Variants in CACNG4 observed in about 807,000 individuals in gnomAD.
CACNG4 encodes the protein voltage-dependent calcium channel gamma-4 subunit.
CACNG4 carries 8 observed loss-of-function variants against 22.9 expected under a neutral mutation model. That is an observed-to-expected ratio of 0.35 (90% CI 0.21 to 0.63). The LOEUF is 0.63. CACNG4 is among the 30% of genes least tolerant of loss of function. CACNG4 has a pLI of 0.72. For missense variants in CACNG4, 357 were observed against 455.4 expected, an observed-to-expected ratio of 0.78 and a Z score of 1.97; for synonymous variants, 188 against 191.9, an observed-to-expected ratio of 0.98 and a Z score of 0.17.
At chr17:66,970,959 G>A (rs1410547978) in intron 1 of CACNG4, among the ~76,000 whole-genome samples, 1 of 152,188 alleles carries the variant, frequency 6.6e-6, no homozygotes, top group Non-Finnish European at 1.5e-5. Context: ...AGGATTTCCA[G>A]GACATAGTGA....
intron 1 of CACNG4, among the ~76,000 whole-genome samples, chr17:66,969,160 G>A (rs1567748296): frequency 6.6e-6 from 1 of 152,226 alleles, no homozygotes; most frequent in Admixed American, 6.5e-5. Context: ...AGGGACAGAA[G>A]AGCCCGTGTA....
At chr17:66,968,048 G>T (rs557634180) in intron 1 of CACNG4, among the ~76,000 whole-genome samples, 3 of 152,174 alleles carry the variant, frequency 2.0e-5, no homozygotes, top group Non-Finnish European at 2.9e-5. Context: ...ACATTACCGC[G>T]TGGCCTGCCC....
chr17:66,993,179 G>T (rs1033079547), intron 1 of CACNG4, among the ~76,000 whole-genome samples: 1 of 152,270 alleles, frequency 6.6e-6, no homozygotes, highest in African/African-American at 2.4e-5. Flanking sequence ...TGGGCCTGAG[G>T]CCTGTGGTGG....
intron 1 of CACNG4, among the ~76,000 whole-genome samples, chr17:66,970,089 G>A (rs1344915519): frequency 2.6e-5 from 4 of 152,268 alleles, no homozygotes; most frequent in East Asian, 1.9e-4. Context: ...ACTCACATTC[G>A]TGCATGTAAT....
In CACNG4 at chr17:66,964,855, A is replaced by AGGGCGGGC. The variant is rs1212922352; in HGVS notation, c.-51_-44dup. 4 of 1,053,010 alleles carry AGGGCGGGC rather than the reference A, an allele frequency of 3.8e-6. No individual in the cohort carries two copies. The African/African-American group carries it at 5.5e-5, about 15-fold the overall frequency. The allele number at this position is 1,053,010 out of a possible 1,614,324, so 65.2% of individuals were successfully genotyped here. On this transcript the variant is annotated 5_prime_UTR_variant, in exon 1 of 4. Transcript: ENST00000262138. ...CCCCGGAGCGGCGCGCGGAGGGAGGAGGGCGGGCGGGCGCGGCGGGCCGGG... is the reference window on the plus strand; with the variant it reads ...CCCCGGAGCGGCGCGCGGAGGGAGGAGGGCGGGCGGGCGGGCGGGCGCGGCGGGCCGGG...
chr17:67,031,423 C>A lies in CACNG4; in HGVS notation c.*419C>A, dbSNP rs1330601204. 2 of 462,480 alleles carry A rather than the reference C, an allele frequency of 4.3e-6. No homozygotes were observed. Among genetic ancestry groups the A allele is most frequent in the Admixed American group, 2.3e-5 (1 of 42,714 alleles). The allele number at this position is 462,480 out of a possible 1,614,324, so 28.6% of individuals were successfully genotyped here. ...GGTGTCGGGCCACCAGAAGGCTCTGCCGGACGCCAAGAAGACGGTCTCTGG... is the reference window on the plus strand; with the variant it reads ...GGTGTCGGGCCACCAGAAGGCTCTGACGGACGCCAAGAAGACGGTCTCTGG... On this transcript the variant is annotated 3_prime_UTR_variant, in exon 4 of 4. Transcript: ENST00000262138. The surrounding 1 kb of genome is among the most constrained non-coding windows in gnomAD (Gnocchi z 4.0).
intron 2 of CACNG4, among the ~76,000 whole-genome samples, chr17:67,023,668 T>C (rs2035546146): frequency 6.6e-6 from 1 of 151,316 alleles, no homozygotes; most frequent in East Asian, 1.9e-4. Flanking sequence ...ACCTCTGGGG[T>C]TCGAGAGATT....
chr17:66,972,095 G>A (rs2035208211), intron 1 of CACNG4, among the ~76,000 whole-genome samples: 1 of 152,160 alleles, frequency 6.6e-6, no homozygotes, highest in Non-Finnish European at 1.5e-5. Flanking sequence ...TCCCAGATTT[G>A]GGGCCACAGC....
chr17:66,966,642 G>C (rs2035172743), intron 1 of CACNG4, among the ~76,000 whole-genome samples: 1 of 152,084 alleles, frequency 6.6e-6, no homozygotes. Flanking sequence ...TCATCTCATC[G>C]GGGATCCTGC....
chr17:67,018,038 C>G (rs377395903), intron 1 of CACNG4, 151 bp from the exon 2 acceptor site: 1 of 638,226 alleles, frequency 1.6e-6, no homozygotes, highest in African/African-American at 1.8e-5. Flanking sequence ...CCCGTGCCCC[C>G]ACCAGACTGG....
intron 3 of CACNG4, among the ~76,000 whole-genome samples, chr17:67,028,244 A>G (rs1044537082): frequency 6.6e-6 from 1 of 152,008 alleles, no homozygotes; most frequent in Non-Finnish European, 1.5e-5. Flanking sequence ...GACAAACACA[A>G]CACAGCACTT....
chr17:66,993,755 G>A (rs932416700), intron 1 of CACNG4, among the ~76,000 whole-genome samples: 9 of 152,160 alleles, frequency 5.9e-5, no homozygotes, highest in Admixed American at 1.3e-4. Flanking sequence ...ACAGGCACCC[G>A]CCACCATGCC....
chr17:66,978,760 G>C (rs893314879), intron 1 of CACNG4, among the ~76,000 whole-genome samples: 1 of 152,210 alleles, frequency 6.6e-6, no homozygotes, highest in African/African-American at 2.4e-5. Flanking sequence ...ACATTTTCTC[G>C]CTTCAGCAGT....
chr17:67,024,736 G>A (rs1770751443), intron 2 of CACNG4, 124 bp from the exon 3 acceptor site: 9 of 1,118,174 alleles, frequency 8.0e-6, no homozygotes, highest in African/African-American at 1.6e-5. Flanking sequence ...AGGTCCTGAT[G>A]GGAATCTCAA....
At chr17:66,992,293 C>A (rs549599289) in intron 1 of CACNG4, among the ~76,000 whole-genome samples, 1 of 152,196 alleles carries the variant, frequency 6.6e-6, no homozygotes, top group Non-Finnish European at 1.5e-5. Context: ...GGGTGGGGAC[C>A]CCATGTTGGA....
At chr17:66,966,941 G>A (rs1230707087) in intron 1 of CACNG4, among the ~76,000 whole-genome samples, 3 of 152,226 alleles carry the variant, frequency 2.0e-5, no homozygotes, top group Non-Finnish European at 2.9e-5. Flanking sequence ...TGGATACAGA[G>A]CAGGGGCTGC....
At chr17:67,024,425 G>A (rs996769151) in intron 2 of CACNG4, among the ~76,000 whole-genome samples, 2 of 152,248 alleles carry the variant, frequency 1.3e-5, no homozygotes, top group African/African-American at 2.4e-5. Context: ...ATGCCGATGC[G>A]TGTGCTCTCA....
intron 1 of CACNG4, among the ~76,000 whole-genome samples, chr17:66,992,596 T>C (rs553192446): frequency 6.6e-6 from 1 of 152,308 alleles, no homozygotes; most frequent in African/African-American, 2.4e-5. Context: ...GAGCTGCCCA[T>C]GTGGGCCCCT....
At chr17:67,020,342 G>T in intron 2 of CACNG4, 1 of 152,462 alleles carries the variant, frequency 6.6e-6, no homozygotes, top group Non-Finnish European at 1.5e-5. Context: ...AGGCGGGGAG[G>T]GCTGCAGAGT....
Sources: allele counts gnomAD v4.1 joint callset (sites outside exome capture counted in the v4.1 genomes callset), GRCh38; gene constraint gnomAD v4.1.1; non-coding constraint Gnocchi (gnomAD v3.1); transcripts MANE v1.5; gene names NCBI Gene and HGNC (gene_info 2026-07-23, HGNC 2026-07-21).